The following MAEA variants were observed in gnomAD, a reference collection of about 807,000 sequenced individuals.
MAEA encodes macrophage erythroblast attacher, E3 ubiquitin ligase.
Under a neutral mutation model 46.2 loss-of-function variants are expected in MAEA, and 22 were observed. The ratio of observed to expected loss-of-function variants is 0.48; its 90% CI spans 0.34 to 0.68. The LOEUF (loss-of-function observed/expected upper bound fraction) is 0.68. Ranked by LOEUF, MAEA falls within the 30% of genes least tolerant of loss-of-function variation. MAEA has a pLI of 0.01. For missense variants in MAEA, 393 were observed against 558.1 expected, an observed-to-expected ratio of 0.70 and a Z score of 2.98; for synonymous variants, 246 against 222.6, an observed-to-expected ratio of 1.11 and a Z score of -0.94.
At chr4:1,333,926 G>GCA (rs1712268464) in intron 6 of MAEA, among the ~76,000 whole-genome samples, 1 of 26,796 alleles carries the variant, frequency 3.7e-5, no homozygotes, top group Non-Finnish European at 6.6e-5. Context: ...TCACCCCCAT[G>GCA]CCCACTCCCG....
intron 2 of MAEA, among the ~76,000 whole-genome samples, chr4:1,313,640 T>C (rs1736781948): frequency 6.6e-6 from 1 of 152,028 alleles, no homozygotes; most frequent in Non-Finnish European, 1.5e-5. Context: ...GGCAGAAGGA[T>C]TGCTTGAGCC....
intron 4 of MAEA, among the ~76,000 whole-genome samples, chr4:1,322,707 G>T (rs1487366207): frequency 6.6e-6 from 1 of 152,202 alleles, no homozygotes; most frequent in Non-Finnish European, 1.5e-5. Context: ...TGGCATTACA[G>T]TTTGTGTACA....
Position 1,322,943 on chromosome 4 carries a change from C to CCT in MAEA, c.579+440_579+441insCT, listed in dbSNP as rs1560368750. Among the ~76,000 whole-genome samples, 441 of 75,264 alleles carry CCT rather than the reference C, an allele frequency of 5.9e-3. 114 individuals are homozygous for CCT. The highest frequency in any genetic ancestry group is 7.1e-3 in the South Asian group (15 of 2,126). The allele number at this position is 75,264 out of a possible 152,430, so 49.4% of individuals were successfully genotyped here. On this transcript the variant is annotated intron_variant, in intron 4 of 8. Coordinates refer to ENST00000303400, the MANE Select transcript of MAEA (RefSeq NM_001017405.3). Reference sequence around the variant, plus strand: ...CTGTGATATTGTTAATGAATACCCACTTTTTTTTTTTTTTTTTTTTTTTTT... The same window carrying CCT: ...CTGTGATATTGTTAATGAATACCCACCTTTTTTTTTTTTTTTTTTTTTTTTTT...
At chr4:1,296,753 T>C (rs1734771534) in intron 1 of MAEA, among the ~76,000 whole-genome samples, 1 of 152,088 alleles carries the variant, frequency 6.6e-6, no homozygotes, top group African/African-American at 2.4e-5. Flanking sequence ...GATGTTCCTC[T>C]TGAGGACAGG....
rs1128427 is a variant in MAEA, at chr4:1,336,971, T to G, written c.876T>G (p.Ala292=). ...CTGTGTTCACCCTCACCCTGCAGGC[T>G]GGCCTCTCAGCCATCAAGACACCGT... ...NNSVFTLTLQ[A]GLSAIKTPQC... The change falls in exon 7 of 9, where the codon GCT becomes GCG. Residue 292 remains alanine, a synonymous_variant. Coordinates refer to ENST00000303400, the MANE Select transcript of MAEA (RefSeq NM_001017405.3). 6.2e-7 allele frequency: 1 copy of G among 1,613,786 alleles called. No homozygotes were observed. The highest frequency in any genetic ancestry group is 8.5e-7 in the Non-Finnish European group (1 of 1,179,956).
chr4:1,336,928 A>G lies in MAEA; in HGVS notation c.833A>G (p.His278Arg). Residue 278 changes from histidine (H) to arginine (R), a missense_variant, in exon 7 of 9, where the codon CAC (histidine) becomes CGC (arginine). By Grantham distance (29) the His-to-Arg change is conservative. Transcript: ENST00000303400. The part of the protein sequence containing the change: ...QQFRYDNYRL[H>R]QLGNNSVFTL... ...TTCCGGTACGACAACTACCGACTACACCAGCTGGGAAACAATTCTGTGTTC... is the reference window on the plus strand; with the variant it reads ...TTCCGGTACGACAACTACCGACTACGCCAGCTGGGAAACAATTCTGTGTTC... 6.2e-7 allele frequency: 1 copy of G among 1,614,042 alleles called. No homozygotes were observed. Among genetic ancestry groups the G allele is most frequent in the Non-Finnish European group, 8.5e-7 (1 of 1,180,020 alleles).
intron 3 of MAEA, among the ~76,000 whole-genome samples, chr4:1,318,297 C>T (rs916620956): frequency 6.6e-6 from 1 of 152,240 alleles, no homozygotes; most frequent in South Asian, 2.1e-4. Context: ...TGTGGGTGCC[C>T]CTGGCCCCAG....
intron 1 of MAEA, among the ~76,000 whole-genome samples, chr4:1,295,471 G>T (rs1181679428): frequency 6.6e-6 from 1 of 151,880 alleles, no homozygotes; most frequent in Non-Finnish European, 1.5e-5. Context: ...TGCCCCACTC[G>T]AGGGAGGGGC....
At chr4:1,294,610 AG>A (rs145693358) in intron 1 of MAEA, among the ~76,000 whole-genome samples, 5,401 of 151,304 alleles carry the variant, frequency 0.036, 110 homozygotes, top group Middle Eastern at 0.065. Flanking sequence ...GTGGTCTGAG[AG>A]CCTCCATCGG....
chr4:1,329,491 A>C, intron 5 of MAEA: 2 of 985,132 alleles, frequency 2.0e-6, no homozygotes, highest in Non-Finnish European at 2.4e-6. Flanking sequence ...TCCCGCAAGC[A>C]GACACGTGCT....
chr4:1,338,573 A>G lies in MAEA; in HGVS notation c.1051A>G (p.Asn351Asp). 2 of 1,613,072 alleles carry G rather than the reference A, an allele frequency of 1.2e-6. No homozygotes were observed. The highest frequency in any genetic ancestry group is 1.7e-6 in the Non-Finnish European group (2 of 1,179,928). ...TTCTGGCGACGTGATGAACGAGAAC[A>G]ATCCGCCCATGATGCTGCCCAACGG... is the stretch of plus-strand genomic sequence containing the variant. ...KISGDVMNEN[N>D]PPMMLPNGYV... Residue 351 changes from asparagine (N) to aspartate (D), a missense_variant, in exon 8 of 9, where the codon AAT (asparagine) becomes GAT (aspartate). Asn to Asp is a conservative substitution (Grantham distance 23, BLOSUM62 1). Around this residue, in one of 2 missense-constraint regions of MAEA, gnomAD observed 358 missense variants for 537.9 expected, o/e 0.67. Transcript: ENST00000303400.
intron 7 of MAEA, 105 bp downstream of exon 7, chr4:1,337,099 A>G: frequency 7.1e-7 from 1 of 1,405,390 alleles, no homozygotes; most frequent in Non-Finnish European, 9.8e-7. Flanking sequence ...CTCCCACCAC[A>G]GACAGCCCCG....
chr4:1,303,924 GGGGGGTCCGGCAGGGCAGGGT>G (rs879277661), intron 1 of MAEA, among the ~76,000 whole-genome samples: 17,924 of 140,990 alleles, frequency 0.13, 2,669 homozygotes, highest in East Asian at 0.39. Flanking sequence ...GGGCAGGGCA[GGGGGGTCCGGCAGGGCAGGGT>G]GGGGGTCGGG....
At chr4:1,306,639 A>C (rs1422892214) in intron 1 of MAEA, among the ~76,000 whole-genome samples, 2 of 152,226 alleles carry the variant, frequency 1.3e-5, no homozygotes, top group African/African-American at 2.4e-5. Flanking sequence ...CTCCCAGTCC[A>C]TGGCTCGTGT....
At chr4:1,337,462 C>G (rs902278760) in intron 7 of MAEA, 2 of 211,694 alleles carry the variant, frequency 9.4e-6, no homozygotes, top group African/African-American at 4.8e-5. Context: ...CCACCTGCGA[C>G]TCACTGAGTT....
chr4:1,303,677 G>T (rs1043749635), intron 1 of MAEA, among the ~76,000 whole-genome samples: 2 of 152,056 alleles, frequency 1.3e-5, no homozygotes, highest in African/African-American at 4.8e-5. Flanking sequence ...TCCTTTTTTG[G>T]AGTGATGAAA....
rs1166733061 is a variant in MAEA, at chr4:1,317,042, C to CA, written c.456+1442_456+1443insA. On this transcript the variant is annotated intron_variant, in intron 3 of 8. Transcript: ENST00000303400. The stretch of plus-strand genomic sequence containing the variant: ...ACTCCAGACTCACCTGCAGGCCCAC[C>CA]CGGTCCCACACTCCAGACTCACCCC... Among the ~76,000 whole-genome samples the CA allele has an allele frequency of 1.2e-3, 155 of 124,006 alleles. 14 individuals carry two copies. The highest frequency in any genetic ancestry group is 2.1e-3 in the African/African-American group (70 of 33,624). 81.4% of individuals were successfully genotyped at this position (124,006 alleles called of 152,430 possible).
rs1463633761 is a variant in MAEA, at chr4:1,322,508, A to C, written c.579+5A>C. On this transcript the variant is annotated splice_donor_5th_base_variant and intron_variant, in intron 4 of 8. Transcript: ENST00000303400. ...TCCCGGCTCCGGAAGATGAAGGTGC[A>C]CGGACTCCCAGGTTGGGGTGGGAGT... 1.2e-6 allele frequency: 2 copies of C among 1,613,158 alleles called. No homozygotes were observed. The highest frequency in any genetic ancestry group is 2.7e-5 in the African/African-American group (2 of 74,926).
At chr4:1,329,331 T>C in intron 5 of MAEA, 1 of 985,666 alleles carries the variant, frequency 1.0e-6, no homozygotes, top group South Asian at 4.7e-5. Flanking sequence ...AGGGTCTCTT[T>C]GCCTTGTTCC....
Sources: allele counts gnomAD v4.1 joint callset (sites outside exome capture counted in the v4.1 genomes callset), GRCh38; gene constraint gnomAD v4.1.1; regional missense constraint gnomAD v4.1.1; transcripts MANE v1.5; gene names NCBI Gene and HGNC (gene_info 2026-07-23, HGNC 2026-07-21).